Variants in CLVS2 observed in about 807,000 individuals in gnomAD.
CLVS2 encodes the protein clavesin 2.
A neutral mutation model predicts 29.0 loss-of-function variants in CLVS2; 19 were observed. The ratio of observed to expected loss-of-function variants is 0.66; its 90% CI spans 0.46 to 0.96. The LOEUF (loss-of-function observed/expected upper bound fraction) is 0.96. Ranked by LOEUF, CLVS2 falls within the 40% of genes least tolerant of loss-of-function variation. CLVS2 has a pLI of 0.00. For synonymous variants in CLVS2, 161 were observed against 151.3 expected (o/e 1.06, Z -0.47); for missense variants, 294 against 404.1 (o/e 0.73, Z 2.34).
intron 5 of CLVS2, among the ~76,000 whole-genome samples, chr6:123,063,240 G>C (rs945069926): frequency 7.9e-5 from 12 of 151,778 alleles, no homozygotes; most frequent in African/African-American, 2.9e-4. Flanking sequence ...TTTTTCATAT[G>C]TTTTTTAAAG....
chr6:122,998,299 A>G, intron 2 of CLVS2, 133 bp downstream of exon 2: 1 of 1,176,360 alleles, frequency 8.5e-7, no homozygotes, highest in Non-Finnish European at 1.2e-6. Flanking sequence ...ACAAACCAGG[A>G]GATGAGTTTT....
chr6:123,049,968 T>G (rs1033401931), intron 4 of CLVS2, among the ~76,000 whole-genome samples: 3 of 152,126 alleles, frequency 2.0e-5, no homozygotes, highest in African/African-American at 7.2e-5. Flanking sequence ...GTGCAATAAT[T>G]ACACGTCTAT....
chr6:123,009,207 T>C (rs1310107839), intron 2 of CLVS2, among the ~76,000 whole-genome samples: 1 of 151,872 alleles, frequency 6.6e-6, no homozygotes, highest in African/African-American at 2.4e-5. Context: ...ACATGGCCAA[T>C]GAGATAATGA....
chr6:123,063,815 C>A lies in CLVS2; in HGVS notation c.*54C>A. 8.7e-7 allele frequency: 1 copy of A among 1,143,700 alleles called. No individual in the cohort carries two copies. Among genetic ancestry groups the A allele is most frequent in the Non-Finnish European group, 1.3e-6 (1 of 759,410 alleles). The allele number at this position is 1,143,700 out of a possible 1,614,324, so 70.8% of individuals were successfully genotyped here. A position where few individuals can be genotyped will look rare whatever the true frequency, so the allele number is the denominator to read the frequency against. ...AGAAATGGAAAGTATTGGTTTTCAG[C>A]AACAGGGACAACACTGTAGAGGAAT... On this transcript the variant is annotated 3_prime_UTR_variant, in exon 6 of 6. Transcript: ENST00000275162.
At position 123,065,834 on chromosome 6, in the gene CLVS2, C is replaced by A. The variant is rs1772846777; in HGVS notation, c.*2073C>A. ...TTATTGCCAGTTTTCAGAATTCTGC[C>A]AGTTTCAGATGTCAACCAGCATTGG... On this transcript the variant is annotated 3_prime_UTR_variant, in exon 6 of 6. Transcript: ENST00000275162. 1 of 151,656 alleles carries A rather than the reference C, an allele frequency of 6.6e-6. No individual in the cohort carries two copies. The allele number at this position is 151,656 out of a possible 1,614,324, so 9.4% of individuals were successfully genotyped here.
intron 2 of CLVS2, among the ~76,000 whole-genome samples, chr6:122,999,245 T>C (rs1774554896): frequency 1.3e-5 from 2 of 152,314 alleles, no homozygotes; most frequent in East Asian, 3.9e-4. Flanking sequence ...CATTTACAGT[T>C]ACCAAGAGGG....
intron 2 of CLVS2, among the ~76,000 whole-genome samples, chr6:123,006,401 C>A (rs538055157): frequency 4.6e-5 from 7 of 151,920 alleles, no homozygotes; most frequent in Admixed American, 4.6e-4. Flanking sequence ...ATTTTTCAGG[C>A]CAATTAATGT....
intron 3 of CLVS2, among the ~76,000 whole-genome samples, chr6:123,042,303 T>A (rs1179338676): frequency 6.6e-6 from 1 of 152,206 alleles, no homozygotes; most frequent in African/African-American, 2.4e-5. Context: ...AACTCCTAAG[T>A]GTTAAATAAC....
chr6:123,021,424 T>C (rs1774919029), intron 3 of CLVS2, among the ~76,000 whole-genome samples: 1 of 152,014 alleles, frequency 6.6e-6, no homozygotes, highest in South Asian at 2.1e-4. Flanking sequence ...AATACATGCT[T>C]CAGTTAAAAA....
At chr6:123,037,438 A>G (rs80018958) in intron 3 of CLVS2, among the ~76,000 whole-genome samples, 1,920 of 152,194 alleles carry the variant, frequency 0.013, 18 homozygotes, top group Non-Finnish European at 0.018. Context: ...GACATCTCCA[A>G]CTTCACTTTC....
chr6:123,014,614 G>T (rs539883610), intron 3 of CLVS2, among the ~76,000 whole-genome samples: 1 of 151,914 alleles, frequency 6.6e-6, no homozygotes, highest in Admixed American at 6.6e-5. Context: ...GAAATGATAC[G>T]TCTTCTACCT....
intron 5 of CLVS2, among the ~76,000 whole-genome samples, chr6:123,061,646 A>G (rs913291608): frequency 6.6e-6 from 1 of 152,218 alleles, no homozygotes; most frequent in Non-Finnish European, 1.5e-5. Context: ...CCCAGCTTGA[A>G]TAATACACTG....
chr6:122,999,820 G>A lies in CLVS2; in HGVS notation c.389+1654G>A, dbSNP rs535464894. ...ATGGGGGCAGATTGCATTCAGAGAG[G>A]CATACATATATATCAGACCTATTTT... On this transcript the variant is annotated intron_variant, in intron 2 of 5. Coordinates refer to ENST00000275162, the MANE Select transcript of CLVS2 (RefSeq NM_001010852.4). Among the ~76,000 whole-genome samples, 235 of 152,116 alleles carry A rather than the reference G, an allele frequency of 1.5e-3. 3 individuals carry two copies. The highest frequency in any genetic ancestry group is 5.2e-3 in the African/African-American group (216 of 41,510).
In CLVS2 at chr6:123,069,915, A is replaced by G. The variant is rs1772916665; in HGVS notation, c.*6154A>G. On this transcript the variant is annotated 3_prime_UTR_variant, in exon 6 of 6. Coordinates refer to ENST00000275162, the MANE Select transcript of CLVS2 (RefSeq NM_001010852.4). ...TCCTCCCTTTTTTCTAATTGGCATC[A>G]TAAAAGTATAAGAAGCCACAAATGC... 1 of 151,938 alleles carries G rather than the reference A, an allele frequency of 6.6e-6. No homozygotes were observed. The highest frequency in any genetic ancestry group is 1.5e-5 in the Non-Finnish European group (1 of 67,904). The allele number at this position is 151,938 out of a possible 1,614,324, so 9.4% of individuals were successfully genotyped here. A position where few individuals can be genotyped will look rare whatever the true frequency, so the allele number is the denominator to read the frequency against.
intron 2 of CLVS2, among the ~76,000 whole-genome samples, chr6:123,001,005 C>T (rs947700773): frequency 3.9e-5 from 6 of 152,058 alleles, no homozygotes; most frequent in African/African-American, 1.2e-4. Flanking sequence ...GTAAAGACCC[C>T]CAATAGAATT....
intron 3 of CLVS2, among the ~76,000 whole-genome samples, chr6:123,039,535 C>T (rs141734265): frequency 5.3e-5 from 8 of 152,194 alleles, no homozygotes; most frequent in East Asian, 3.9e-4. Context: ...TCCTAGACTG[C>T]GAGGTGGTGT....
intron 3 of CLVS2, among the ~76,000 whole-genome samples, chr6:123,021,848 A>G (rs546862661): frequency 6.6e-6 from 1 of 151,310 alleles, no homozygotes; most frequent in South Asian, 2.1e-4. Flanking sequence ...ATGAGGCCAT[A>G]TTTTTTTTTC....
At chr6:123,059,603 T>G (rs1430008634) in intron 5 of CLVS2, among the ~76,000 whole-genome samples, 1 of 152,172 alleles carries the variant, frequency 6.6e-6, no homozygotes, top group East Asian at 1.9e-4. Flanking sequence ...CTTTGCAGGA[T>G]AGACCTCACT....
intron 2 of CLVS2, among the ~76,000 whole-genome samples, chr6:123,004,945 AAAAAC>A (rs1320198296): frequency 1.6e-5 from 1 of 61,156 alleles, no homozygotes; most frequent in African/African-American, 1.0e-4. Flanking sequence ...AACAAAAACA[AAAAAC>A]AAAAAAAAAA....
Sources: allele counts gnomAD v4.1 joint callset (sites outside exome capture counted in the v4.1 genomes callset), GRCh38; gene constraint gnomAD v4.1.1; transcripts MANE v1.5; gene names NCBI Gene and HGNC (gene_info 2026-07-23, HGNC 2026-07-21).